MYO9A: variants seen among roughly 807,000 people sequenced by gnomAD.
The protein encoded by MYO9A is unconventional myosin-IXa.
In MYO9A, 103 loss-of-function variants were observed where a neutral mutation model predicts 293.3. The ratio of observed to expected loss-of-function variants is 0.35; its 90% CI spans 0.30 to 0.41. The LOEUF is 0.41. Among genes scored for constraint, MYO9A ranks in the 10% least tolerant of loss-of-function variants. MYO9A has a pLI of 1.00. For missense variants in MYO9A, 2,685 were observed against 3,033.0 expected (o/e 0.89, Z 2.69); for synonymous variants, 1,001 against 1,035.7 (o/e 0.97, Z 0.64).
chr15:71,972,407 GA>G, intron 12 of MYO9A: 1 of 152,194 alleles, frequency 6.6e-6, no homozygotes, highest in Non-Finnish European at 1.5e-5. Context: ...CAAATTAATT[GA>G]ACTCAAGGAG....
chr15:72,080,933 T>C (rs1795726144), intron 1 of MYO9A, among the ~76,000 whole-genome samples: 2 of 152,202 alleles, frequency 1.3e-5, no homozygotes, highest in South Asian at 4.1e-4. Context: ...ATGGTGTATA[T>C]ATACACCACA....
In MYO9A at chr15:71,902,953, A is replaced by C; in HGVS notation, c.2988T>G (p.Val996=). ...KINLNPDNYQ[V]GKTMVFLKEQ... ...AGATTATATTTACCATGGTTTTTCC[A>C]ACTTGATAATTATCTGGATTAAGAT... The change falls in exon 22 of 42, where the codon GTT becomes GTG. Residue 996 remains valine (V), a synonymous_variant. Coordinates refer to ENST00000356056, the MANE Select transcript of MYO9A (RefSeq NM_006901.4). 6.3e-7 allele frequency: 1 copy of C among 1,576,940 alleles called. No individual in the cohort carries two copies. The highest frequency in any genetic ancestry group is 8.7e-7 in the Non-Finnish European group (1 of 1,152,856).
At chr15:71,897,166 T>G (rs1741111342) in intron 25 of MYO9A, 2 of 278,726 alleles carry the variant, frequency 7.2e-6, no homozygotes, top group African/African-American at 4.3e-5. Context: ...CAACCAGTAT[T>G]CGGTGAATGC....
At position 71,829,962 on chromosome 15, in the gene MYO9A, C is replaced by T. The variant is rs565247636; in HGVS notation, c.7040+147G>A. On this transcript the variant is annotated intron_variant, in intron 40 of 41. Coordinates refer to ENST00000356056, the MANE Select transcript of MYO9A (RefSeq NM_006901.4). Reference sequence around the variant, plus strand: ...CACTGTTACCTGAGTATAGACAACACGTCTTTGTCATCTCAACATCTCCTG... The same window carrying T: ...CACTGTTACCTGAGTATAGACAACATGTCTTTGTCATCTCAACATCTCCTG... 703 of 885,772 alleles carry T rather than the reference C, an allele frequency of 7.9e-4. 10 individuals are homozygous for T. The South Asian group carries it at 9.6e-3, about 12-fold the overall frequency. The allele number at this position is 885,772 out of a possible 1,614,324, so 54.9% of individuals were successfully genotyped here.
In MYO9A at chr15:71,854,231, C is replaced by T. The variant is rs1394256413; in HGVS notation, c.6346+146G>A. The T allele has an allele frequency of 6.0e-6, 4 of 670,164 alleles. No individual in the cohort carries two copies. In the East Asian group the frequency reaches 1.3e-4, roughly 22 times the overall value. 41.5% of individuals were successfully genotyped at this position (670,164 alleles called of 1,614,324 possible). Reference sequence around the variant, plus strand: ...TGAAACCAAAGACTCTTTAGAAAGCCAAAAAATGATAACAAAGCATCACAG... The same window carrying T: ...TGAAACCAAAGACTCTTTAGAAAGCTAAAAAATGATAACAAAGCATCACAG... On this transcript the variant is annotated intron_variant, in intron 35 of 41. Coordinates refer to ENST00000356056, the MANE Select transcript of MYO9A (RefSeq NM_006901.4).
chr15:71,977,352 T>C (rs1364071218), intron 12 of MYO9A, among the ~76,000 whole-genome samples: 1 of 152,170 alleles, frequency 6.6e-6, no homozygotes, highest in Non-Finnish European at 1.5e-5. Context: ...TTCTCATGCC[T>C]CAGCCTCCTA....
At chr15:71,848,396 T>C (rs1457547750) in intron 39 of MYO9A, among the ~76,000 whole-genome samples, 2 of 152,052 alleles carry the variant, frequency 1.3e-5, no homozygotes, top group Non-Finnish European at 2.9e-5. Flanking sequence ...TGGAATTCCA[T>C]TTCCTTAAGA....
At chr15:72,046,931 G>A (rs574948572) in intron 1 of MYO9A, among the ~76,000 whole-genome samples, 1 of 152,242 alleles carries the variant, frequency 6.6e-6, no homozygotes, top group South Asian at 2.1e-4. Flanking sequence ...TCAAATGTTT[G>A]TAAGGAACTT....
chr15:71,926,393 G>A (rs2058314541), intron 18 of MYO9A, among the ~76,000 whole-genome samples: 1 of 152,078 alleles, frequency 6.6e-6, no homozygotes, highest in African/African-American at 2.4e-5. Flanking sequence ...ATGAGACCCT[G>A]CATATTTTTG....
chr15:71,879,742 G>C lies in MYO9A; in HGVS notation c.5718C>G (p.Ser1906Arg). The C allele has an allele frequency of 6.2e-7, 1 of 1,611,960 alleles. No individual in the cohort carries two copies. Among genetic ancestry groups the C allele is most frequent in the Non-Finnish European group, 8.5e-7 (1 of 1,178,264 alleles). The change falls in exon 30 of 42, where the codon AGC becomes AGG. Residue 1906 changes from serine (S) to arginine (R), a missense_variant. Transcript: ENST00000356056. ...TCACCGCCAATGCAGATGAATAAAAGCTGAAGATATTCTGCCGAAATTCCT... is the reference window on the plus strand; with the variant it reads ...TCACCGCCAATGCAGATGAATAAAACCTGAAGATATTCTGCCGAAATTCCT... ...ALKEFRQNIF[S>R]FYSSALAMDD...
rs1239847473 is a variant in MYO9A, at chr15:71,959,884, T to C, written c.2182+17A>G. 1 of 1,517,234 alleles carries C rather than the reference T, an allele frequency of 6.6e-7. No homozygotes were observed. Among genetic ancestry groups the C allele is most frequent in the East Asian group, 2.3e-5 (1 of 43,270 alleles). 94.0% of individuals were successfully genotyped at this position (1,517,234 alleles called of 1,614,324 possible). ...AAAAAGATGAAGTATGGTAGAATAC[T>C]AATAACTACTACTTACCAGTTTTTC... On this transcript the variant is annotated intron_variant, in intron 14 of 41. Transcript: ENST00000356056.
intron 19 of MYO9A, among the ~76,000 whole-genome samples, chr15:71,906,758 C>CTTTTTTTTTTTTTTCTTTTCTTTTTT (rs2057659301): frequency 1.6e-5 from 1 of 61,012 alleles, no homozygotes; most frequent in African/African-American, 6.4e-5. Flanking sequence ...CCATTTCTTT[C>CTTTTTTTTTTTTTTCTTTTCTTTTTT]TTTTTTTTTT....
At chr15:71,859,840 A>C (rs1230866812) in intron 33 of MYO9A, 44 bp from the exon 34 acceptor site, 1 of 1,508,428 alleles carries the variant, frequency 6.6e-7, no homozygotes, top group Non-Finnish European at 9.2e-7. Flanking sequence ...AAGTCTGTAC[A>C]TCAGTGATAA....
At chr15:72,069,006 C>T (rs1463676851) in intron 1 of MYO9A, among the ~76,000 whole-genome samples, 2 of 152,134 alleles carry the variant, frequency 1.3e-5, no homozygotes, top group Non-Finnish European at 2.9e-5. Flanking sequence ...CAGGCCAGTA[C>T]ATGGCAGAGC....
At chr15:71,999,608 T>C (rs1026831401) in intron 9 of MYO9A, among the ~76,000 whole-genome samples, 3 of 152,098 alleles carry the variant, frequency 2.0e-5, no homozygotes, top group African/African-American at 7.2e-5. Flanking sequence ...AATATGAAAA[T>C]TGGAAATGAT....
intron 40 of MYO9A, among the ~76,000 whole-genome samples, 177 bp from the exon 41 acceptor site, chr15:71,828,203 T>C (rs2054586847): frequency 1.3e-5 from 2 of 152,146 alleles, no homozygotes; most frequent in Middle Eastern, 3.2e-3. Flanking sequence ...GCTAAAACTA[T>C]ATGGACTAAA....
intron 26 of MYO9A, chr15:71,890,472 C>T (rs16956369): frequency 0.55 from 82,937 of 151,862 alleles, 27,658 homozygotes; most frequent in Non-Finnish European, 0.73. Context: ...TTTACTAACC[C>T]GCTTACCATT....
At chr15:72,010,552 T>C (rs2148947722) in intron 6 of MYO9A, 105 bp from the exon 7 acceptor site, 1 of 948,532 alleles carries the variant, frequency 1.1e-6, no homozygotes, top group East Asian at 2.6e-5. Context: ...TATGTATAAA[T>C]GCAAATTAGA....
In MYO9A at chr15:71,851,329, C is replaced by T; in HGVS notation, c.6505G>A (p.Gly2169Ser). 3 of 1,613,688 alleles carry T rather than the reference C, an allele frequency of 1.9e-6. No homozygotes were observed. Among genetic ancestry groups the T allele is most frequent in the Non-Finnish European group, 2.5e-6 (3 of 1,179,810 alleles). Residue 2169 changes from glycine (G) to serine (S), a missense_variant, in exon 37 of 42, where the codon GGT (glycine) becomes AGT (serine). Gly to Ser is a moderately conservative substitution (Grantham distance 56). Around this residue, in one of 10 missense-constraint regions of MYO9A, gnomAD observed 238 missense variants for 269.1 expected, o/e 0.88. Coordinates refer to ENST00000356056, the MANE Select transcript of MYO9A (RefSeq NM_006901.4). ...GLQERKETIR[G>S]VYSVIDQLSR... is the part of the protein sequence containing the mutation. The stretch of plus-strand genomic sequence containing the variant: ...AGTTGATCAATCACAGAGTATACAC[C>T]ACGGATTGTCTCCTTCCTCTCCTGA...
Sources: allele counts gnomAD v4.1 joint callset (sites outside exome capture counted in the v4.1 genomes callset), GRCh38; gene constraint gnomAD v4.1.1; regional missense constraint gnomAD v4.1.1; transcripts MANE v1.5; gene names NCBI Gene and HGNC (gene_info 2026-07-23, HGNC 2026-07-21).